The following RNF34 variants were observed in gnomAD, a reference collection of about 807,000 sequenced individuals.
The protein encoded by RNF34 is ring finger protein 34.
RNF34 carries 12 observed loss-of-function variants against 37.9 expected under a neutral mutation model. The observed-to-expected ratio is 0.32, with a 90% CI of 0.20 to 0.51. The LOEUF (loss-of-function observed/expected upper bound fraction) is 0.51. RNF34 is among the 20% of genes least tolerant of loss of function. The probability of loss-of-function intolerance (pLI) is 0.97; values close to 1 mark genes in which losing one functional copy is unlikely to be tolerated. For missense variants in RNF34, 362 were observed against 472.7 expected, an observed-to-expected ratio of 0.77 and a Z score of 2.17; for synonymous variants, 155 against 177.2, an observed-to-expected ratio of 0.87 and a Z score of 1.00.
intron 1 of RNF34, among the ~76,000 whole-genome samples, chr12:121,415,036 C>G (rs1341086303): frequency 6.6e-6 from 1 of 152,040 alleles, no homozygotes; most frequent in Non-Finnish European, 1.5e-5. Context: ...GCGGACGTTG[C>G]AGTGAGCCGA....
chr12:121,415,263 A>G (rs1555281971), intron 1 of RNF34: 1 of 301,294 alleles, frequency 3.3e-6, no homozygotes, highest in Non-Finnish European at 7.4e-6. Context: ...AATTATTTAC[A>G]TATGCTATAG....
At position 121,420,298 on chromosome 12, in the gene RNF34, G is replaced by GGATGAT; in HGVS notation, c.699_704dup (p.Asp233_Asp234dup). The stretch of plus-strand genomic sequence containing the variant: ...AAGATGATGATGACGACGATGATGA[G>GGATGAT]GATGATGATGATGAAGAAGAAAACG... On this transcript the variant is annotated inframe_insertion, in exon 4 of 6. Coordinates refer to ENST00000361234, the MANE Select transcript of RNF34 (RefSeq NM_025126.4). 6.3e-7 allele frequency: 1 copy of GGATGAT among 1,584,958 alleles called. No homozygotes were observed. The highest frequency in any genetic ancestry group is 8.6e-7 in the Non-Finnish European group (1 of 1,163,046).
At chr12:121,406,902 C>T (rs1555280742) in intron 1 of RNF34, among the ~76,000 whole-genome samples, 2 of 152,084 alleles carry the variant, frequency 1.3e-5, no homozygotes, top group Non-Finnish European at 2.9e-5. Flanking sequence ...TCACGATTAT[C>T]GTTCTTTTTT....
rs573772329 is a variant in RNF34 at position 121,417,701 on chromosome 12, A to G, written c.423A>G (p.Glu141=). 2 of 1,614,124 alleles carry G rather than the reference A, an allele frequency of 1.2e-6. No homozygotes were observed. Among genetic ancestry groups the G allele is most frequent in the Non-Finnish European group, 1.7e-6 (2 of 1,180,048 alleles). Residue 141 remains glutamate, a synonymous_variant, in exon 3 of 6, where the codon GAA becomes GAG. Transcript: ENST00000361234. This position sits in a 1 kb window ranked among gnomAD's most constrained non-coding sequence, Gnocchi z 5.0. ...NIPIDTCREK[E]DLVDLVLCHH... Reference sequence around the variant, plus strand: ...CCATAGATACTTGTCGTGAGAAAGAAGACTTGGTGGATCTAGTACTGTGCC... The same window carrying G: ...CCATAGATACTTGTCGTGAGAAAGAGGACTTGGTGGATCTAGTACTGTGCC...
chr12:121,414,400 T>C (rs1277758077), intron 1 of RNF34, among the ~76,000 whole-genome samples: 1 of 151,250 alleles, frequency 6.6e-6, no homozygotes, highest in East Asian at 2.0e-4. Flanking sequence ...TATTCTTTTA[T>C]GTATACTTGG....
At chr12:121,412,050 A>G (rs1034816430) in intron 1 of RNF34, among the ~76,000 whole-genome samples, 1 of 152,098 alleles carries the variant, frequency 6.6e-6, no homozygotes, top group Admixed American at 6.6e-5. Flanking sequence ...ACTTAAAAGA[A>G]CATTAACTTT....
At chr12:121,413,415 C>CTTTTTTTTTTTTTTTTTTTTT (rs573738844) in intron 1 of RNF34, among the ~76,000 whole-genome samples, 1 of 130,694 alleles carries the variant, frequency 7.7e-6, no homozygotes, top group Non-Finnish European at 1.6e-5. Flanking sequence ...TTTACCTGTC[C>CTTTTTTTTTTTTTTTTTTTTT]TTTTTTTTTT....
At chr12:121,405,393 A>G (rs1165549260) in intron 1 of RNF34, among the ~76,000 whole-genome samples, 8 of 144,120 alleles carry the variant, frequency 5.6e-5, no homozygotes, top group African/African-American at 2.0e-4. Flanking sequence ...GGTCAGCTGT[A>G]TATTATCCAG....
At chr12:121,419,296 G>C (rs552640635) in intron 3 of RNF34, among the ~76,000 whole-genome samples, 3 of 152,332 alleles carry the variant, frequency 2.0e-5, no homozygotes, top group Admixed American at 6.5e-5. Flanking sequence ...TGTGTAGCAG[G>C]CTGTGCCATC....
chr12:121,400,168 G>A lies in RNF34; in HGVS notation c.-45G>A, dbSNP rs1359664414. On this transcript the variant is annotated 5_prime_UTR_variant, in exon 1 of 6. Transcript: ENST00000361234. ...CGGCAGTGTGAGGAGCTGCTATGGT[G>A]CTGAGTTTCCTGGTAGAGCCGGCCG... The A allele has an allele frequency of 3.1e-6, 5 of 1,603,654 alleles. No individual in the cohort carries two copies. In the East Asian group the frequency reaches 9.0e-5, roughly 29 times the overall value.
intron 1 of RNF34, among the ~76,000 whole-genome samples, chr12:121,403,149 C>T (rs1328438620): frequency 1.3e-5 from 2 of 152,190 alleles, no homozygotes; most frequent in African/African-American, 4.8e-5. Context: ...GTAGTCCCAG[C>T]ACTTTGGGAG....
At chr12:121,420,103 G>C (rs1871981302) in intron 3 of RNF34, 139 bp from the exon 4 acceptor site, 1 of 692,114 alleles carries the variant, frequency 1.4e-6, no homozygotes, top group Non-Finnish European at 2.4e-6. Context: ...CTTTTTGGAA[G>C]GGTCAGCAGC....
Position 121,420,724 on chromosome 12 carries a change from C to T in RNF34, c.874C>T (p.Leu292=), listed in dbSNP as rs1872053549. 1 of 1,613,908 alleles carries T rather than the reference C, an allele frequency of 6.2e-7. No individual in the cohort carries two copies. The highest frequency in any genetic ancestry group is 1.7e-5 in the Admixed American group (1 of 59,994). Residue 292 remains leucine (L), a synonymous_variant, in exon 5 of 6, where the codon CTG becomes TTG. Transcript: ENST00000361234. ...NYSGCCEKWE[L]VEKVNRLYKE... is the part of the protein sequence containing the mutation. ...TTCTGGCTGTTGTGAAAAATGGGAA[C>T]TGGTAGAGAAAGTAAACCGGTTATA... is the stretch of plus-strand genomic sequence containing the variant.
In RNF34 at chr12:121,400,210, G is replaced by T; in HGVS notation, c.-3G>T. On this transcript the variant is annotated 5_prime_UTR_variant, in exon 1 of 6. Transcript: ENST00000361234. ...AGCCGGCCGAGCTGAGGCGGTCGCG[G>T]CCATGAAGGTGAGGGGCCGGTGGAG... 6.2e-7 allele frequency: 1 copy of T among 1,609,420 alleles called. No individual in the cohort carries two copies.
chr12:121,416,142 T>A lies in RNF34; in HGVS notation c.7-17T>A, dbSNP rs1555282157. 11 of 1,606,992 alleles carry A rather than the reference T, an allele frequency of 6.8e-6. No individual in the cohort carries two copies. The highest frequency in any genetic ancestry group is 8.5e-6 in the Non-Finnish European group (10 of 1,174,152). On this transcript the variant is annotated splice_polypyrimidine_tract_variant and intron_variant, in intron 1 of 5. Transcript: ENST00000361234. ...TTCCACTTAGCTTTAAACTGTGGGATTTGTGTTCCTTTTTAGGCGGGTGCC... is the reference window on the plus strand; with the variant it reads ...TTCCACTTAGCTTTAAACTGTGGGAATTGTGTTCCTTTTTAGGCGGGTGCC...
chr12:121,422,980 A>G (rs1159211737), intron 5 of RNF34, among the ~76,000 whole-genome samples: 1 of 152,214 alleles, frequency 6.6e-6, no homozygotes, highest in Non-Finnish European at 1.5e-5. Context: ...TCCCAGGGCT[A>G]CAAAGCTGGG....
At chr12:121,401,179 G>A (rs1201768145) in intron 1 of RNF34, among the ~76,000 whole-genome samples, 1 of 152,002 alleles carries the variant, frequency 6.6e-6, no homozygotes, top group Non-Finnish European at 1.5e-5. Context: ...GTGTCAGCTG[G>A]TCACAGAAAT....
At position 121,424,275 on chromosome 12, in the gene RNF34, G is replaced by A. The variant is rs1178990848; in HGVS notation, c.*699G>A. ...ATGTGTAATCAGTTTACATTGTTTT[G>A]TATAGTGAAGGTGTATTTTCAGTGC... is the stretch of plus-strand genomic sequence containing the variant. On this transcript the variant is annotated 3_prime_UTR_variant, in exon 6 of 6. Coordinates refer to ENST00000361234, the MANE Select transcript of RNF34 (RefSeq NM_025126.4). The A allele has an allele frequency of 6.5e-6, 1 of 152,754 alleles. No individual in the cohort carries two copies. The highest frequency in any genetic ancestry group is 2.1e-4 in the South Asian group (1 of 4,832). The allele number at this position is 152,754 out of a possible 1,614,324, so 9.5% of individuals were successfully genotyped here.
At chr12:121,412,897 A>C (rs1271021936) in intron 1 of RNF34, among the ~76,000 whole-genome samples, 3 of 149,728 alleles carry the variant, frequency 2.0e-5, no homozygotes, top group African/African-American at 7.4e-5. Flanking sequence ...TTGTATTTTT[A>C]GTAGAGACGG....
Sources: allele counts gnomAD v4.1 joint callset (sites outside exome capture counted in the v4.1 genomes callset), GRCh38; gene constraint gnomAD v4.1.1; non-coding constraint Gnocchi (gnomAD v3.1); transcripts MANE v1.5; gene names NCBI Gene and HGNC (gene_info 2026-07-23, HGNC 2026-07-21).